The following CSMD2 variants were observed in gnomAD, a reference collection of about 807,000 sequenced individuals.
CSMD2 encodes CUB and Sushi multiple domains 2, also known as CUB and sushi domain-containing protein 2.
In CSMD2, 130 loss-of-function variants were observed where a neutral mutation model predicts 398.5. The ratio of observed to expected loss-of-function variants is 0.33; its 90% CI spans 0.28 to 0.38. The LOEUF is 0.38. Among genes scored for constraint, CSMD2 ranks in the 10% least tolerant of loss-of-function variants. The probability of loss-of-function intolerance (pLI) is 1.00; values close to 1 mark genes in which losing one functional copy is unlikely to be tolerated. For synonymous variants in CSMD2, 1,828 were observed against 1,908.5 expected (o/e 0.96, Z 1.10); for missense variants, 3,829 against 4,764.9 (o/e 0.80, Z 5.78).
chr1:33,699,029 C>T, intron 23 of CSMD2, 85 bp from the exon 24 acceptor site: 1 of 1,220,720 alleles, frequency 8.2e-7, no homozygotes, highest in East Asian at 2.5e-5. Flanking sequence ...CCCACGTCCT[C>T]AAGGAAGCTG....
intron 44 of CSMD2, among the ~76,000 whole-genome samples, chr1:33,595,819 T>C (rs370085899): frequency 2.0e-5 from 3 of 152,206 alleles, no homozygotes; most frequent in African/African-American, 4.8e-5. Flanking sequence ...TCCATTTTAG[T>C]GGAAAATGTT....
intron 7 of CSMD2, among the ~76,000 whole-genome samples, chr1:33,823,886 G>T (rs1658479900): frequency 6.6e-6 from 1 of 152,046 alleles, no homozygotes; most frequent in South Asian, 2.1e-4. Context: ...GGAGTTTTTG[G>T]CATCTTCTTA....
chr1:33,600,085 T>C, intron 44 of CSMD2: 1 of 681,892 alleles, frequency 1.5e-6, no homozygotes, highest in Non-Finnish European at 2.7e-6. Context: ...ACAGAATTCT[T>C]ACAGGTCACA....
Position 33,714,602 on chromosome 1 carries a change from G to A in CSMD2, c.3391C>T (p.Leu1131=). The change falls in exon 21 of 71, where the codon CTG becomes TTG. Residue 1131 remains leucine, a synonymous_variant. Transcript: ENST00000373381. The part of the protein sequence containing the change: ...GGRRRLWSSP[L]PRCVAECGNS... ...GACCACCTACCAACACACCTTGGCAGAGGCGAGCTCCACAGGCGCCGTCTG... is the reference window on the plus strand; with the variant it reads ...GACCACCTACCAACACACCTTGGCAAAGGCGAGCTCCACAGGCGCCGTCTG... The A allele has an allele frequency of 6.2e-7, 1 of 1,613,886 alleles. No homozygotes were observed. Among genetic ancestry groups the A allele is most frequent in the Non-Finnish European group, 8.5e-7 (1 of 1,180,010 alleles).
intron 27 of CSMD2, among the ~76,000 whole-genome samples, chr1:33,654,111 G>T (rs901362358): frequency 6.6e-6 from 1 of 152,156 alleles, no homozygotes; most frequent in South Asian, 2.1e-4. Context: ...CATAAAATCC[G>T]AGTGGTCATG....
At chr1:33,714,031 G>A (rs1249604850) in intron 21 of CSMD2, among the ~76,000 whole-genome samples, 1 of 152,194 alleles carries the variant, frequency 6.6e-6, no homozygotes, top group Non-Finnish European at 1.5e-5. Flanking sequence ...GCAGATGCCT[G>A]AGATGTAGTG....
At chr1:33,597,649 G>A (rs993138378) in intron 44 of CSMD2, among the ~76,000 whole-genome samples, 1 of 152,186 alleles carries the variant, frequency 6.6e-6, no homozygotes, top group Admixed American at 6.5e-5. Flanking sequence ...TTCAGTTGCT[G>A]GGAAGAGTGT....
intron 2 of CSMD2, among the ~76,000 whole-genome samples, chr1:34,056,515 G>A (rs1653845400): frequency 6.6e-6 from 1 of 152,194 alleles, no homozygotes; most frequent in Non-Finnish European, 1.5e-5. Context: ...GCTCAGCTGT[G>A]TGACCTTGGG....
chr1:33,633,331 G>T lies in CSMD2; in HGVS notation c.5200+91C>A. Reference sequence around the variant, plus strand: ...CGCAGAGCCGTAGGGTTCCACCTGCGGCCATGGGGTGCTTCTAGAGCCTCC... The same window carrying T: ...CGCAGAGCCGTAGGGTTCCACCTGCTGCCATGGGGTGCTTCTAGAGCCTCC... On this transcript the variant is annotated intron_variant, in intron 32 of 70. Transcript: ENST00000373381. This position sits in a 1 kb window ranked among gnomAD's most constrained non-coding sequence, Gnocchi z 5.0. The T allele has an allele frequency of 3.3e-6, 3 of 914,206 alleles. No homozygotes were observed. The highest frequency in any genetic ancestry group is 2.9e-5 in the South Asian group (2 of 68,284). The allele number at this position is 914,206 out of a possible 1,614,324, so 56.6% of individuals were successfully genotyped here. A position where few individuals can be genotyped will look rare whatever the true frequency, so the allele number is the denominator to read the frequency against.
chr1:33,811,283 T>C (rs140493788), intron 9 of CSMD2, among the ~76,000 whole-genome samples: 1 of 152,284 alleles, frequency 6.6e-6, no homozygotes, highest in East Asian at 1.9e-4. Flanking sequence ...TTTCCCAATT[T>C]GCACTCCAAT....
intron 68 of CSMD2, 120 bp from the exon 69 acceptor site, chr1:33,520,070 C>A: frequency 8.5e-7 from 1 of 1,173,168 alleles, no homozygotes. Flanking sequence ...CTCCTCACTC[C>A]TGCTCAGCAC....
At chr1:34,011,197 C>A (rs1268769951) in intron 3 of CSMD2, among the ~76,000 whole-genome samples, 1 of 152,180 alleles carries the variant, frequency 6.6e-6, no homozygotes, top group African/African-American at 2.4e-5. Context: ...ATCCCCACTG[C>A]CTGGCACTGT....
intron 25 of CSMD2, among the ~76,000 whole-genome samples, chr1:33,665,458 C>G (rs1278692803): frequency 1.6e-5 from 2 of 122,162 alleles, no homozygotes; most frequent in African/African-American, 3.2e-5. Flanking sequence ...TCTTTCTTCT[C>G]TCTTTTTTTT....
At chr1:33,542,243 T>C (rs1656418124) in intron 58 of CSMD2, among the ~76,000 whole-genome samples, 1 of 152,182 alleles carries the variant, frequency 6.6e-6, no homozygotes, top group Non-Finnish European at 1.5e-5. Flanking sequence ...GGCTACACCG[T>C]GCTCAGGAAC....
chr1:33,902,119 C>A (rs938285630), intron 5 of CSMD2, among the ~76,000 whole-genome samples: 2 of 152,136 alleles, frequency 1.3e-5, no homozygotes, highest in African/African-American at 4.8e-5. Flanking sequence ...AGCATTCAAG[C>A]AAGTCTTCTG....
intron 3 of CSMD2, among the ~76,000 whole-genome samples, chr1:34,024,227 AG>A (rs1649327542): frequency 6.6e-6 from 1 of 152,238 alleles, no homozygotes; most frequent in African/African-American, 2.4e-5. Context: ...ACTGATATAT[AG>A]CAGGTGTTCA....
intron 25 of CSMD2, among the ~76,000 whole-genome samples, chr1:33,674,406 A>G (rs2149040136): frequency 6.6e-6 from 1 of 152,284 alleles, no homozygotes; most frequent in African/African-American, 2.4e-5. Flanking sequence ...AAGAGGAGCT[A>G]ACTATCCTAA....
At chr1:33,848,235 C>T (rs141649353) in intron 5 of CSMD2, among the ~76,000 whole-genome samples, 209 of 152,338 alleles carry the variant, frequency 1.4e-3, no homozygotes, top group Non-Finnish European at 1.8e-3. Context: ...TGTTACCACT[C>T]CCAATCCTGG....
chr1:34,008,110 A>C (rs1647116843), intron 3 of CSMD2, among the ~76,000 whole-genome samples: 1 of 152,200 alleles, frequency 6.6e-6, no homozygotes, highest in South Asian at 2.1e-4. Context: ...AATTCTCTGC[A>C]CTCATCTGTC....
Sources: gnomAD v4.1 joint callset for allele counts (sites outside exome capture counted in the v4.1 genomes callset) on GRCh38, gnomAD v4.1.1 for gene constraint, Gnocchi (gnomAD v3.1) non-coding constraint, MANE v1.5 for transcripts, NCBI Gene and HGNC (gene_info 2026-07-23, HGNC 2026-07-21) for gene names.